Variants in GALK2 observed in about 807,000 individuals in gnomAD.
GALK2 encodes the protein galactokinase 2.
GALK2 carries 36 observed loss-of-function variants against 52.4 expected under a neutral mutation model. The ratio of observed to expected loss-of-function variants is 0.69; its 90% CI spans 0.53 to 0.91. GALK2 has a LOEUF of 0.91. Ranked by LOEUF, GALK2 falls within the 40% of genes least tolerant of loss-of-function variation. The pLI is 0.00. For missense variants in GALK2, 579 were observed against 559.1 expected (o/e 1.04, Z -0.36); for synonymous variants, 176 against 199.1 (o/e 0.88, Z 0.98).
chr15:49,307,882 C>T (rs185070239), intron 8 of GALK2, among the ~76,000 whole-genome samples: 55 of 152,078 alleles, frequency 3.6e-4, no homozygotes, highest in Admixed American at 2.3e-3. Flanking sequence ...TTTTCATCAG[C>T]GAGTTTGCTT....
chr15:49,235,008 G>T (rs1179902919), intron 3 of GALK2, among the ~76,000 whole-genome samples: 1 of 152,050 alleles, frequency 6.6e-6, no homozygotes, highest in Non-Finnish European at 1.5e-5. Flanking sequence ...CTTGTGATCC[G>T]CCTGCCTTGG....
chr15:49,280,678 GAATAAAGTCTTAC>G (rs1657805531), intron 5 of GALK2, among the ~76,000 whole-genome samples: 1 of 152,020 alleles, frequency 6.6e-6, no homozygotes, highest in African/African-American at 2.4e-5. Flanking sequence ...ATAAGGGCCC[GAATAAAGTCTTAC>G]AATAAATTAA....
At chr15:49,203,113 C>G (rs1292876589) in intron 2 of GALK2, among the ~76,000 whole-genome samples, 1 of 151,964 alleles carries the variant, frequency 6.6e-6, no homozygotes, top group Non-Finnish European at 1.5e-5. Context: ...TGCAGTGGCA[C>G]GATCTGGGCT....
chr15:49,217,443 A>G (rs2089468974), intron 3 of GALK2, 130 bp downstream of exon 3: 1 of 876,110 alleles, frequency 1.1e-6, no homozygotes. Context: ...CATTAAAAAA[A>G]TTCTAAGGCC....
intron 3 of GALK2, among the ~76,000 whole-genome samples, chr15:49,233,606 A>G (rs2141470412): frequency 6.6e-6 from 1 of 152,308 alleles, no homozygotes. Context: ...TTTAACTAGG[A>G]ATAGAACCTG....
At chr15:49,364,556 C>A (rs2044790726) in intron 3 of GALK2, among the ~76,000 whole-genome samples, 1 of 152,020 alleles carries the variant, frequency 6.6e-6, no homozygotes, top group African/African-American at 2.4e-5. Context: ...GAAGTAATTT[C>A]AGTTCTCAAG....
chr15:49,251,688 A>G (rs1220965314), intron 5 of GALK2, among the ~76,000 whole-genome samples: 2 of 152,192 alleles, frequency 1.3e-5, no homozygotes, highest in South Asian at 4.1e-4. Context: ...ACCAGCAACC[A>G]TCATTCCACT....
At chr15:49,233,730 G>A (rs545833214) in intron 3 of GALK2, among the ~76,000 whole-genome samples, 2 of 152,208 alleles carry the variant, frequency 1.3e-5, no homozygotes, top group Non-Finnish European at 2.9e-5. Flanking sequence ...CTGATGAGCT[G>A]AAGTCAGACT....
intron 1 of GALK2, among the ~76,000 whole-genome samples, chr15:49,172,586 T>C (rs1037800672): frequency 9.9e-5 from 15 of 152,236 alleles, no homozygotes; most frequent in Non-Finnish European, 1.5e-4. Flanking sequence ...GGAACTCTTA[T>C]TCTTTTTCCA....
chr15:49,319,658 G>A lies in GALK2; in HGVS notation c.1022G>A (p.Arg341Gln), dbSNP rs376875144. The A allele has an allele frequency of 4.3e-6, 7 of 1,613,988 alleles. No individual in the cohort carries two copies. Among genetic ancestry groups the A allele is most frequent in the Admixed American group, 1.7e-5 (1 of 60,004 alleles). The change falls in exon 9 of 10, where the codon CGA becomes CAA. Residue 341 changes from arginine to glutamine, a missense_variant. Physicochemically the swap from Arg to Gln is conservative, Grantham distance 43. Transcript: ENST00000560031. ...RAKHVYSEAA[R>Q]VLQFKKICEE... ...AAGCATGTGTACAGCGAGGCTGCGC[G>A]AGTGCTCCAGTTTAAGAAGATATGT...
intron 9 of GALK2, among the ~76,000 whole-genome samples, chr15:49,326,511 A>G (rs1157362951): frequency 6.6e-6 from 1 of 152,078 alleles, no homozygotes; most frequent in African/African-American, 2.4e-5. Context: ...TGGCCTCCCA[A>G]AGTGCTGGGA....
Position 49,327,933 on chromosome 15 carries a change from T to C in GALK2, c.1170-19T>C. 6.3e-7 allele frequency: 1 copy of C among 1,596,502 alleles called. No individual in the cohort carries two copies. The highest frequency in any genetic ancestry group is 8.6e-7 in the Non-Finnish European group (1 of 1,169,578). On this transcript the variant is annotated intron_variant, in intron 9 of 9. Transcript: ENST00000560031. ...ATTTTCATTTATAGGTTCTAATATT[T>C]TTTTCCTCACTGTTTTAGGAAGTTT...
intron 1 of GALK2, among the ~76,000 whole-genome samples, chr15:49,192,243 G>A (rs2086777050): frequency 6.6e-6 from 1 of 151,884 alleles, no homozygotes; most frequent in South Asian, 2.1e-4. Context: ...TTGCTAATAT[G>A]ATAGTAATTA....
At chr15:49,296,949 G>A (rs1567034420) in intron 8 of GALK2, among the ~76,000 whole-genome samples, 1 of 152,242 alleles carries the variant, frequency 6.6e-6, no homozygotes, top group Non-Finnish European at 1.5e-5. Context: ...TATATACCCA[G>A]TAATGGGATT....
rs1555400548 is a variant in GALK2 at position 49,192,485 on chromosome 15, G to GTATATATATGTATATATA, written c.54-8668_54-8667insGTATATATATATATATAT. Among the ~76,000 whole-genome samples, 183 of 102,914 alleles carry GTATATATATGTATATATA rather than the reference G, an allele frequency of 1.8e-3. 3 individuals carry two copies. The highest frequency in any genetic ancestry group is 2.4e-3 in the Non-Finnish European group (125 of 53,116). The allele number at this position is 102,914 out of a possible 152,430, so 67.5% of individuals were successfully genotyped here. A position where few individuals can be genotyped will look rare whatever the true frequency, so the allele number is the denominator to read the frequency against. ...TCTGCAATGAATATTATATATATAT[G>GTATATATATGTATATATA]TATATATATATATATATATATATAT... On this transcript the variant is annotated intron_variant, in intron 1 of 9. Coordinates refer to ENST00000560031, the MANE Select transcript of GALK2 (RefSeq NM_002044.4).
At chr15:49,176,822 A>C (rs148844332) in intron 1 of GALK2, among the ~76,000 whole-genome samples, 2 of 152,222 alleles carry the variant, frequency 1.3e-5, no homozygotes, top group Admixed American at 1.3e-4. Context: ...AAATGTAAGC[A>C]TCTGGGTTAG....
intron 8 of GALK2, among the ~76,000 whole-genome samples, chr15:49,304,882 T>G (rs531646153): frequency 2.4e-4 from 37 of 152,350 alleles, no homozygotes; most frequent in Non-Finnish European, 4.7e-4. Flanking sequence ...ATGTTACACA[T>G]TTCTCTCATA....
At chr15:49,351,241 A>G (rs2042201414) in intron 3 of GALK2, among the ~76,000 whole-genome samples, 1 of 152,174 alleles carries the variant, frequency 6.6e-6, no homozygotes, top group South Asian at 2.1e-4. Flanking sequence ...TTCAGTTTCA[A>G]ATGTCTTCCA....
At chr15:49,319,435 C>T (rs771812707) in intron 8 of GALK2, among the ~76,000 whole-genome samples, 169 bp from the exon 9 acceptor site, 11 of 152,044 alleles carry the variant, frequency 7.2e-5, no homozygotes, top group South Asian at 2.1e-4. Context: ...CCTGACTTGC[C>T]GATAGACACA....
Sources: gnomAD v4.1 joint callset for allele counts (sites outside exome capture counted in the v4.1 genomes callset) on GRCh38, gnomAD v4.1.1 for gene constraint, MANE v1.5 for transcripts, NCBI Gene and HGNC (gene_info 2026-07-23, HGNC 2026-07-21) for gene names.